Variants in PCDHGA8 observed in about 807,000 individuals in gnomAD.
PCDHGA8 encodes the protein protocadherin gamma-A8.
In PCDHGA8, 45 loss-of-function variants were observed where a neutral mutation model predicts 59.2. That is an observed-to-expected ratio of 0.76 (90% CI 0.60 to 0.98). PCDHGA8 has a LOEUF of 0.98. PCDHGA8 is among the 50% of genes least tolerant of loss of function. PCDHGA8 has a pLI of 0.00. For missense variants in PCDHGA8, 1,257 were observed against 1,196.2 expected (o/e 1.05, Z -0.75); for synonymous variants, 531 against 519.0 (o/e 1.02, Z -0.32).
In PCDHGA8 at chr5:141,512,394, C is replaced by A. The variant is rs750967336; in HGVS notation, c.*1221C>A. 1 of 152,706 alleles carries A rather than the reference C, an allele frequency of 6.5e-6. No homozygotes were observed. The highest frequency in any genetic ancestry group is 1.5e-5 in the Non-Finnish European group (1 of 68,084). The allele number at this position is 152,706 out of a possible 1,614,324, so 9.5% of individuals were successfully genotyped here. ...GACCAAATGAACAGAAAGTCTCAGC[C>A]CAGGATGGGGCTTCTTCAACAGGGC... is the stretch of plus-strand genomic sequence containing the variant. On this transcript the variant is annotated 3_prime_UTR_variant, in exon 4 of 4. Transcript: ENST00000398604.
Position 141,408,587 on chromosome 5 carries a change from C to A in PCDHGA8, c.2424+13350C>A, listed in dbSNP as rs768912219. 3 of 1,613,898 alleles carry A rather than the reference C, an allele frequency of 1.9e-6. No homozygotes were observed. The South Asian group carries it at 3.3e-5, about 18-fold the overall frequency. ...TGTGGTGATTGAGGATGTTAATGACCACGCCCCTCAATTTGATAAAAAGGA... is the reference window on the plus strand; with the variant it reads ...TGTGGTGATTGAGGATGTTAATGACAACGCCCCTCAATTTGATAAAAAGGA... On this transcript the variant is annotated intron_variant, in intron 1 of 3. Transcript: ENST00000398604.
rs768135284 is a variant in PCDHGA8, at chr5:141,489,277, T to C, written c.2425-5530T>C. ...GACACTCCCACAGCTCGCTGGGAAA[T>C]GGCAAGTGCTGTGCATGTTGTCCTT... On this transcript the variant is annotated intron_variant, in intron 1 of 3. Transcript: ENST00000398604. This position sits in a 1 kb window ranked among gnomAD's most constrained non-coding sequence, Gnocchi z 4.5. 7.1e-6 allele frequency: 11 copies of C among 1,556,078 alleles called. No individual in the cohort carries two copies. Among genetic ancestry groups the C allele is most frequent in the South Asian group, 3.7e-5 (3 of 80,348 alleles).
chr5:141,423,299 C>T (rs1225422770), intron 1 of PCDHGA8: 2 of 1,614,128 alleles, frequency 1.2e-6, no homozygotes, highest in Non-Finnish European at 1.7e-6. Context: ...TCAGACCTCT[C>T]GCTGTACTTG....
chr5:141,473,362 C>A (rs2099320242), intron 1 of PCDHGA8, among the ~76,000 whole-genome samples: 1 of 152,166 alleles, frequency 6.6e-6, no homozygotes, highest in Admixed American at 6.5e-5. Context: ...AAGTGGCCAC[C>A]AAAATAGCAT....
At chr5:141,436,632 G>T (rs763510513) in intron 1 of PCDHGA8, among the ~76,000 whole-genome samples, 2 of 152,130 alleles carry the variant, frequency 1.3e-5, no homozygotes, top group Non-Finnish European at 2.9e-5. Context: ...TTCACAACAT[G>T]CAATTAATTA....
At chr5:141,467,747 C>T (rs56743829) in intron 1 of PCDHGA8, among the ~76,000 whole-genome samples, 7,097 of 152,110 alleles carry the variant, frequency 0.047, 213 homozygotes, top group Middle Eastern at 0.092. Context: ...CTGCAACCTC[C>T]GCCTCACATG....
chr5:141,396,347 G>A (rs765584625), intron 1 of PCDHGA8: 21 of 152,416 alleles, frequency 1.4e-4, no homozygotes, highest in Non-Finnish European at 2.5e-4. Context: ...GGCCGGGTGC[G>A]GTGGCTCACG....
At chr5:141,472,980 C>CAAAAAAAAAAAAAAAAAAAAAA (rs60579131) in intron 1 of PCDHGA8, among the ~76,000 whole-genome samples, 6 of 86,102 alleles carry the variant, frequency 7.0e-5, no homozygotes, top group African/African-American at 1.2e-4. Flanking sequence ...GAGTGAAACT[C>CAAAAAAAAAAAAAAAAAAAAAA]AAAAAAAAAA....
At chr5:141,408,691 C>T (rs1013098114) in intron 1 of PCDHGA8, 1 of 1,613,854 alleles carries the variant, frequency 6.2e-7, no homozygotes, top group Non-Finnish European at 8.5e-7. Flanking sequence ...CTGATATAAA[C>T]ATAAACTCAA....
intron 1 of PCDHGA8, chr5:141,414,950 TGACCAA>T (rs778670321): frequency 6.2e-7 from 1 of 1,614,030 alleles, no homozygotes; most frequent in South Asian, 1.1e-5. Context: ...GGCTACCTGG[TGACCAA>T]GGTGGTGGCG....
In PCDHGA8 at chr5:141,395,765, C is replaced by T. The variant is rs143173330; in HGVS notation, c.2424+528C>T. The T allele has an allele frequency of 7.5e-4, 114 of 152,628 alleles. No homozygotes were observed. The Middle Eastern group carries it at 0.03, about 41-fold the overall frequency. 9.5% of individuals were successfully genotyped at this position (152,628 alleles called of 1,614,324 possible). Reference sequence around the variant, plus strand: ...TCTTTTCTGAGCCCTGTTTCTGTACCAGTGCCCTTCAAAACTTTAATACTT... The same window carrying T: ...TCTTTTCTGAGCCCTGTTTCTGTACTAGTGCCCTTCAAAACTTTAATACTT... On this transcript the variant is annotated intron_variant, in intron 1 of 3. Coordinates refer to ENST00000398604, the MANE Select transcript of PCDHGA8 (RefSeq NM_032088.2).
chr5:141,445,537 G>A (rs1266179512), intron 1 of PCDHGA8, among the ~76,000 whole-genome samples: 1 of 152,182 alleles, frequency 6.6e-6, no homozygotes, highest in African/African-American at 2.4e-5. Flanking sequence ...AAGCCAACAA[G>A]GAGAAATACA....
In PCDHGA8 at chr5:141,487,046, G is replaced by A; in HGVS notation, c.2425-7761G>A. ...CAGCCTGTTTGCAGTCTCTCGATATGCTGGGGAGGTGCGGACGGCTGTTCC... is the reference window on the plus strand; with the variant it reads ...CAGCCTGTTTGCAGTCTCTCGATATACTGGGGAGGTGCGGACGGCTGTTCC... On this transcript the variant is annotated intron_variant, in intron 1 of 3. Coordinates refer to ENST00000398604, the MANE Select transcript of PCDHGA8 (RefSeq NM_032088.2). The surrounding 1 kb of genome is among the most constrained non-coding windows in gnomAD (Gnocchi z 5.0). 6.2e-7 allele frequency: 1 copy of A among 1,614,192 alleles called. No individual in the cohort carries two copies. Among genetic ancestry groups the A allele is most frequent in the Non-Finnish European group, 8.5e-7 (1 of 1,180,040 alleles).
chr5:141,485,922 G>C lies in PCDHGA8; in HGVS notation c.2425-8885G>C. 6.2e-7 allele frequency: 1 copy of C among 1,614,170 alleles called. No individual in the cohort carries two copies. The highest frequency in any genetic ancestry group is 8.5e-7 in the Non-Finnish European group (1 of 1,180,036). On this transcript the variant is annotated intron_variant, in intron 1 of 3. Transcript: ENST00000398604. This position sits in a 1 kb window ranked among gnomAD's most constrained non-coding sequence, Gnocchi z 5.7. The stretch of plus-strand genomic sequence containing the variant: ...TTCCAGCAATCCAGCTACAGGATTA[G>C]TGTGTTGGAGAGCGCACCAGCGGGC...
intron 1 of PCDHGA8, among the ~76,000 whole-genome samples, chr5:141,407,479 T>C (rs1042229151): frequency 1.4e-5 from 2 of 144,060 alleles, no homozygotes; most frequent in East Asian, 1.9e-4. Context: ...GAATGGAGTA[T>C]GGAAAATCTT....
rs1250096461 is a variant in PCDHGA8 at position 141,485,533 on chromosome 5, G to A, written c.2425-9274G>A. 6.2e-7 allele frequency: 1 copy of A among 1,614,084 alleles called. No homozygotes were observed. Among genetic ancestry groups the A allele is most frequent in the Non-Finnish European group, 8.5e-7 (1 of 1,180,034 alleles). On this transcript the variant is annotated intron_variant, in intron 1 of 3. Coordinates refer to ENST00000398604, the MANE Select transcript of PCDHGA8 (RefSeq NM_032088.2). This position sits in a 1 kb window ranked among gnomAD's most constrained non-coding sequence, Gnocchi z 5.7. ...GTCCTTTGGAAATGTACCGAGCAGA[G>A]GTAGAGATCGTAGATGTGAATGATC...
chr5:141,399,996 C>A (rs753801667), intron 1 of PCDHGA8: 5 of 1,612,402 alleles, frequency 3.1e-6, no homozygotes, highest in Non-Finnish European at 4.2e-6. Flanking sequence ...GAGAGGTGCG[C>A]ACAGCGCGTG....
Position 141,485,274 on chromosome 5 carries a change from C to G in PCDHGA8, c.2425-9533C>G. 2 of 1,614,106 alleles carry G rather than the reference C, an allele frequency of 1.2e-6. No homozygotes were observed. Among genetic ancestry groups the G allele is most frequent in the Non-Finnish European group, 1.7e-6 (2 of 1,179,964 alleles). On this transcript the variant is annotated intron_variant, in intron 1 of 3. Transcript: ENST00000398604. The surrounding 1 kb of genome is among the most constrained non-coding windows in gnomAD (Gnocchi z 5.7). ...TACGTTTGTGGGCAGATCCGCTACC[C>G]GGTCCCAGAGGAGTCACAGGAAGGG...
chr5:141,487,297 C>A lies in PCDHGA8; in HGVS notation c.2425-7510C>A. ...TTTGCTTTGTCTCCTTTGGCTCATT[C>A]GTGGCACTACTCTCTAAGTGTCTTC... is the stretch of plus-strand genomic sequence containing the variant. On this transcript the variant is annotated intron_variant, in intron 1 of 3. Transcript: ENST00000398604. This position sits in a 1 kb window ranked among gnomAD's most constrained non-coding sequence, Gnocchi z 5.0. 1 of 1,614,102 alleles carries A rather than the reference C, an allele frequency of 6.2e-7. No homozygotes were observed. The highest frequency in any genetic ancestry group is 8.5e-7 in the Non-Finnish European group (1 of 1,180,002).
Sources: allele counts gnomAD v4.1 joint callset (sites outside exome capture counted in the v4.1 genomes callset), GRCh38; gene constraint gnomAD v4.1.1; non-coding constraint Gnocchi (gnomAD v3.1); transcripts MANE v1.5; gene names NCBI Gene and HGNC (gene_info 2026-07-23, HGNC 2026-07-21).